The following OPRM1 variants were observed in gnomAD, a reference collection of about 807,000 sequenced individuals.
OPRM1 encodes the protein mu-type opioid receptor.
A neutral mutation model predicts 31.8 loss-of-function variants in OPRM1; 27 were observed. The observed-to-expected ratio is 0.85, with a 90% CI of 0.63 to 1.17. The LOEUF (loss-of-function observed/expected upper bound fraction) is 1.17, where lower values mean the gene tolerates loss of function less well. Ranked by LOEUF, OPRM1 falls within the 50% of genes most tolerant of loss-of-function variation. The pLI is 0.00. For synonymous variants in OPRM1, 196 were observed against 189.9 expected (o/e 1.03, Z -0.26); for missense variants, 536 against 511.1 (o/e 1.05, Z -0.47).
intron 3 of OPRM1, chr6:154,223,324 G>GTATAT (rs1459786418): frequency 9.3e-7 from 1 of 1,073,216 alleles, no homozygotes; most frequent in African/African-American, 1.6e-5. Context: ...ACATGGAATA[G>GTATAT]GGATGGTATA....
intron 1 of OPRM1, among the ~76,000 whole-genome samples, chr6:154,065,965 A>AT (rs1228206053): frequency 6.6e-6 from 1 of 152,042 alleles, no homozygotes; most frequent in Non-Finnish European, 1.5e-5. Context: ...TGTTTTGAGT[A>AT]TTTTATCATG....
intron 1 of OPRM1, chr6:154,086,777 G>A: frequency 1.0e-6 from 1 of 985,394 alleles, no homozygotes; most frequent in Non-Finnish European, 1.2e-6. Context: ...CTGCTGGGTA[G>A]GAAAGTGGCA....
chr6:154,164,649 T>C (rs1799285559), intron 3 of OPRM1, among the ~76,000 whole-genome samples: 1 of 152,160 alleles, frequency 6.6e-6, no homozygotes, highest in African/African-American at 2.4e-5. Flanking sequence ...AAATAGTCAG[T>C]GTGTGGCTCG....
exon 4 of OPRM1, chr6:154,246,704 A>C: frequency 6.2e-7 from 1 of 1,614,122 alleles, no homozygotes; most frequent in Non-Finnish European, 8.5e-7. Flanking sequence ...CACCCTTGGC[A>C]GTCAGCATGG....
chr6:154,118,675 C>G lies in OPRM1; in HGVS notation c.1165-8C>G. On this transcript the variant is annotated splice_region_variant and splice_polypyrimidine_tract_variant and intron_variant, in intron 3 of 3. Transcript: ENST00000330432. ...TGTTCACTGTCTTTGCTCTTTCTCT[C>G]CTTTCAGCTAGAAAATCTGGAAGCA... 1 of 1,613,088 alleles carries G rather than the reference C, an allele frequency of 6.2e-7. No individual in the cohort carries two copies. Among genetic ancestry groups the G allele is most frequent in the South Asian group, 1.1e-5 (1 of 91,044 alleles).
chr6:154,229,511 G>A (rs1779554991), intron 3 of OPRM1, among the ~76,000 whole-genome samples: 1 of 150,624 alleles, frequency 6.6e-6, no homozygotes, highest in Non-Finnish European at 1.5e-5. Flanking sequence ...CACCACACCC[G>A]GCTCATTTTT....
intron 3 of OPRM1, chr6:154,212,910 A>C (rs768360689): frequency 8.3e-7 from 1 of 1,206,434 alleles, no homozygotes; most frequent in Non-Finnish European, 1.2e-6. Flanking sequence ...CTTATTCCAT[A>C]ATGCATGAGC....
In OPRM1 at chr6:154,121,116, G is replaced by T. The variant is rs644261; in HGVS notation, c.*2395G>T. Among the ~76,000 whole-genome samples the T allele has an allele frequency of 5.3e-5, 8 of 152,028 alleles. No homozygotes were observed. Among genetic ancestry groups the T allele is most frequent in the African/African-American group, 1.7e-4 (7 of 41,398 alleles). On this transcript the variant is annotated 3_prime_UTR_variant, in exon 4 of 4. Transcript: ENST00000330432. ...GATAAAATCTGAAGATAAAGAAAATGGAATATTCTGCTTTTTTCTTCCTTC... is the reference window on the plus strand; with the variant it reads ...GATAAAATCTGAAGATAAAGAAAATTGAATATTCTGCTTTTTTCTTCCTTC...
In OPRM1 at chr6:154,131,515, A is replaced by T. The variant is rs1172429269; in HGVS notation, c.*12794A>T. Among the ~76,000 whole-genome samples, 1 of 152,234 alleles carries T rather than the reference A, an allele frequency of 6.6e-6. No homozygotes were observed. The highest frequency in any genetic ancestry group is 1.5e-5 in the Non-Finnish European group (1 of 68,044). On this transcript the variant is annotated 3_prime_UTR_variant, in exon 4 of 4. Coordinates refer to ENST00000330432, the MANE Select transcript of OPRM1 (RefSeq NM_000914.5). ...TCCTTGACAGTGTTGGGGGTGAAAT[A>T]AAAGATAGACCCCTGCTGCTCTGCA...
chr6:154,075,132 G>A (rs115230154), intron 1 of OPRM1, among the ~76,000 whole-genome samples: 3,049 of 152,188 alleles, frequency 0.02, 106 homozygotes, highest in African/African-American at 0.067. Context: ...TAGAATAAGA[G>A]TTTTCATCAA....
intron 3 of OPRM1, among the ~76,000 whole-genome samples, chr6:154,177,742 G>A (rs1475885334): frequency 1.3e-5 from 2 of 152,152 alleles, no homozygotes; most frequent in African/African-American, 4.8e-5. Context: ...GATTCCTCAA[G>A]GATCTAGAAC....
intron 1 of OPRM1, among the ~76,000 whole-genome samples, chr6:154,069,484 A>G (rs906021271): frequency 6.6e-6 from 1 of 152,014 alleles, no homozygotes; most frequent in African/African-American, 2.4e-5. Flanking sequence ...TGATCTGCCC[A>G]CCTCGGCCTC....
intron 3 of OPRM1, among the ~76,000 whole-genome samples, chr6:154,102,918 C>CAAAAAAA (rs58694186): frequency 1.2e-5 from 1 of 80,798 alleles, no homozygotes. Flanking sequence ...TAACCAGTTG[C>CAAAAAAA]AAAAAAAAAA....
At chr6:154,071,274 C>G (rs371380085) in intron 1 of OPRM1, among the ~76,000 whole-genome samples, 25 of 152,082 alleles carry the variant, frequency 1.6e-4, no homozygotes, top group African/African-American at 5.8e-4. Context: ...GCTTTCATAC[C>G]CCCAGGTCTG....
intron 3 of OPRM1, among the ~76,000 whole-genome samples, chr6:154,188,739 T>C (rs1445487966): frequency 2.6e-5 from 4 of 152,210 alleles, no homozygotes; most frequent in Admixed American, 2.6e-4. Flanking sequence ...AAGATGACAC[T>C]GAAGACTCAT....
rs537373179 is a variant in OPRM1, at chr6:154,014,727, TGAA to T, written c.-1+3711_-1+3713del. Among the ~76,000 whole-genome samples the T allele has an allele frequency of 2.8e-4, 42 of 152,220 alleles. No individual in the cohort carries two copies. The South Asian group carries it at 8.7e-3, about 32-fold the overall frequency. ...GTCTATGGGGTTTTGAATTTTAAAG[TGAA>T]GTAGTTTTCCCATTACTATAATGGA... On this transcript the variant is annotated intron_variant, in intron 1 of 5. Transcript: ENST00000434900.
intron 1 of OPRM1, among the ~76,000 whole-genome samples, chr6:154,056,402 G>A (rs1041139769): frequency 2.6e-5 from 4 of 151,782 alleles, no homozygotes; most frequent in Admixed American, 2.0e-4. Flanking sequence ...GATTACAGGC[G>A]TGAGCCAACG....
rs1208358498 is a variant in OPRM1 at position 154,042,248 on chromosome 6, G to A, written c.290+2414G>A. On this transcript the variant is annotated intron_variant, in intron 1 of 3. Coordinates refer to ENST00000330432, the MANE Select transcript of OPRM1 (RefSeq NM_000914.5). ...GATGAAGCGACAGGGAAAGCATCTGGGGACTGAAGCAAGTATGTCTATTTA... is the reference window on the plus strand; with the variant it reads ...GATGAAGCGACAGGGAAAGCATCTGAGGACTGAAGCAAGTATGTCTATTTA... Among the ~76,000 whole-genome samples, 4 of 152,156 alleles carry A rather than the reference G, an allele frequency of 2.6e-5. No individual in the cohort carries two copies. In the South Asian group the frequency reaches 8.3e-4, roughly 32 times the overall value.
At chr6:154,093,351 C>G (rs769147132) in intron 3 of OPRM1, 3 of 1,614,174 alleles carry the variant, frequency 1.9e-6, no homozygotes, top group Non-Finnish European at 2.5e-6. Context: ...GCAAGGACCT[C>G]TTGTCAGATA....
Sources: gnomAD v4.1 joint callset for allele counts (sites outside exome capture counted in the v4.1 genomes callset) on GRCh38, gnomAD v4.1.1 for gene constraint, MANE v1.5 for transcripts, NCBI Gene and HGNC (gene_info 2026-07-23, HGNC 2026-07-21) for gene names.